The following DSCAM variants were observed in gnomAD, a reference collection of about 807,000 sequenced individuals.
DSCAM encodes the protein DS cell adhesion molecule, also known as cell adhesion molecule DSCAM.
Under a neutral mutation model 217.7 loss-of-function variants are expected in DSCAM, and 47 were observed. The ratio of observed to expected loss-of-function variants is 0.22; its 90% confidence interval spans 0.17 to 0.28. DSCAM has a LOEUF of 0.28. Ranked by LOEUF, DSCAM falls within the 10% of genes least tolerant of loss-of-function variation. The pLI is 1.00. For synonymous variants in DSCAM, 1,056 were observed against 1,015.3 expected, an observed-to-expected ratio of 1.04 and a Z score of -0.76; for missense variants, 2,080 against 2,618.3, an observed-to-expected ratio of 0.79 and a Z score of 4.49.
At chr21:40,352,092 G>T (rs1161047195) in intron 5 of DSCAM, among the ~76,000 whole-genome samples, 1 of 152,150 alleles carries the variant, frequency 6.6e-6, no homozygotes, top group Non-Finnish European at 1.5e-5. Context: ...TGATGACCTT[G>T]CACAGTAGGA....
intron 16 of DSCAM, among the ~76,000 whole-genome samples, chr21:40,157,330 GACAGTGCTGTGGACAGA>G (rs1233400532): frequency 6.6e-6 from 1 of 152,184 alleles, no homozygotes; most frequent in Non-Finnish European, 1.5e-5. Context: ...ACTCGTACAG[GACAGTGCTGTGGACAGA>G]ACCAGCATGT....
chr21:40,236,373 C>T (rs1017138718), intron 11 of DSCAM, among the ~76,000 whole-genome samples: 9 of 152,146 alleles, frequency 5.9e-5, no homozygotes, highest in African/African-American at 2.2e-4. Flanking sequence ...TCACCATAGC[C>T]CAGGGCTTCT....
intron 3 of DSCAM, among the ~76,000 whole-genome samples, chr21:40,639,010 T>G (rs181024326): frequency 2.0e-3 from 311 of 152,288 alleles, no homozygotes; most frequent in African/African-American, 7.2e-3. Context: ...CTGTGACAGC[T>G]TTTCAGCAGG....
intron 20 of DSCAM, among the ~76,000 whole-genome samples, chr21:40,117,977 A>G (rs1165836972): frequency 6.6e-6 from 1 of 152,192 alleles, no homozygotes; most frequent in African/African-American, 2.4e-5. Flanking sequence ...ACACATACAC[A>G]CACGTGCACA....
intron 11 of DSCAM, among the ~76,000 whole-genome samples, chr21:40,228,617 C>G (rs2091354381): frequency 6.6e-6 from 1 of 151,232 alleles, no homozygotes; most frequent in African/African-American, 2.4e-5. Context: ...TTTATTTTAT[C>G]CTTTCTTTCC....
chr21:40,617,448 G>T (rs184151578), intron 3 of DSCAM, among the ~76,000 whole-genome samples: 56 of 152,100 alleles, frequency 3.7e-4, no homozygotes, highest in Admixed American at 9.8e-4. Context: ...AGTAAATGTT[G>T]CTGCTGCCAT....
intron 1 of DSCAM, among the ~76,000 whole-genome samples, chr21:40,813,525 A>G (rs1233878793): frequency 6.6e-6 from 1 of 152,098 alleles, no homozygotes; most frequent in Non-Finnish European, 1.5e-5. Flanking sequence ...ATTATCATTC[A>G]GTTCAAAGAA....
chr21:40,645,510 G>GT (rs879270869), intron 3 of DSCAM, among the ~76,000 whole-genome samples: 83 of 148,514 alleles, frequency 5.6e-4, no homozygotes, highest in East Asian at 2.6e-3. Context: ...CTTTAATTCA[G>GT]TTTTTTTTTT....
intron 32 of DSCAM, among the ~76,000 whole-genome samples, chr21:40,041,660 T>A (rs1280509509): frequency 1.3e-5 from 2 of 152,138 alleles, no homozygotes; most frequent in African/African-American, 4.8e-5. Context: ...ATTTGCAGCT[T>A]TCACAACCCG....
chr21:40,215,225 CAAAAAAAAAAAAAAAAAAAAAAAAAAAA>C, intron 11 of DSCAM, among the ~76,000 whole-genome samples: 1 of 5,484 alleles, frequency 1.8e-4, no homozygotes. Context: ...GACTCCGTCT[CAAAAAAAAAAAAAAAAAAAAAAAAAAAA>C]AAAAAAAAAA....
chr21:40,178,375 T>G (rs1205162270), intron 15 of DSCAM, among the ~76,000 whole-genome samples: 1 of 152,222 alleles, frequency 6.6e-6, no homozygotes, highest in African/African-American at 2.4e-5. Flanking sequence ...AATGCTTATC[T>G]CTATCTTCTG....
At chr21:40,797,048 C>T (rs1888510) in intron 1 of DSCAM, among the ~76,000 whole-genome samples, 68,767 of 152,016 alleles carry the variant, frequency 0.45, 17,372 homozygotes, top group South Asian at 0.65. Flanking sequence ...TTGCTAGTCA[C>T]GCTGACCTCT....
chr21:40,143,384 A>T (rs1293469868), intron 17 of DSCAM, among the ~76,000 whole-genome samples: 1 of 152,218 alleles, frequency 6.6e-6, no homozygotes, highest in African/African-American at 2.4e-5. Context: ...TTTAACGACT[A>T]TTGCAATTAT....
intron 1 of DSCAM, among the ~76,000 whole-genome samples, chr21:40,773,186 AC>A (rs1470359240): frequency 2.0e-5 from 3 of 152,194 alleles, no homozygotes; most frequent in Non-Finnish European, 4.4e-5. Flanking sequence ...CTCAGGTTCT[AC>A]TTCTAGGAAA....
chr21:40,151,058 C>T (rs1054422144), intron 16 of DSCAM, among the ~76,000 whole-genome samples: 3 of 152,152 alleles, frequency 2.0e-5, no homozygotes, highest in Non-Finnish European at 4.4e-5. Flanking sequence ...TCTTTGATCT[C>T]TGTCTCCCGA....
In DSCAM at chr21:40,077,357, G is replaced by T. The variant is rs747442197; in HGVS notation, c.4711+1330C>A. ...AGGAGATTTGGGGTAGGTCTGCTCT[G>T]TGTGCCAAAGCAAGAAGAGCCAGCC... On this transcript the variant is annotated intron_variant, in intron 26 of 32. Transcript: ENST00000400454. 2.4e-4 allele frequency among the ~76,000 whole-genome samples: 37 copies of T among 152,290 alleles called. 1 individual carries two copies. The highest frequency in any genetic ancestry group is 5.9e-4 in the Admixed American group (9 of 15,302).
intron 3 of DSCAM, among the ~76,000 whole-genome samples, chr21:40,546,130 C>T (rs945972671): frequency 6.6e-6 from 1 of 152,354 alleles, no homozygotes; most frequent in East Asian, 1.9e-4. Flanking sequence ...ACATTCTCCC[C>T]TCCTAGGACA....
intron 3 of DSCAM, among the ~76,000 whole-genome samples, chr21:40,538,975 T>C (rs1410324967): frequency 2.6e-5 from 4 of 152,180 alleles, no homozygotes; most frequent in African/African-American, 9.6e-5. Context: ...GAGAAAAACG[T>C]GTCCTTTAGA....
intron 3 of DSCAM, among the ~76,000 whole-genome samples, chr21:40,404,211 TACAA>T (rs1335336191): frequency 6.6e-6 from 1 of 152,188 alleles, no homozygotes; most frequent in East Asian, 1.9e-4. Flanking sequence ...TCATCTATGG[TACAA>T]ACAAAATGCT....
Sources: allele counts gnomAD v4.1 joint callset (sites outside exome capture counted in the v4.1 genomes callset), GRCh38; gene constraint gnomAD v4.1.1; transcripts MANE v1.5; gene names NCBI Gene and HGNC (gene_info 2026-07-23, HGNC 2026-07-21).